The following PRKG1 variants were observed in gnomAD, a reference collection of about 807,000 sequenced individuals.
The protein encoded by PRKG1 is cGMP-dependent protein kinase 1.
Under a neutral mutation model 88.1 loss-of-function variants are expected in PRKG1, and 35 were observed. That is an observed-to-expected ratio of 0.40 (90% CI 0.30 to 0.53). The LOEUF is 0.53. Among genes scored for constraint, PRKG1 ranks in the 20% least tolerant of loss-of-function variants. PRKG1 has a pLI of 0.59. For synonymous variants in PRKG1, 303 were observed against 292.5 expected, an observed-to-expected ratio of 1.04 and a Z score of -0.37; for missense variants, 540 against 839.8, an observed-to-expected ratio of 0.64 and a Z score of 4.41.
intron 3 of PRKG1, among the ~76,000 whole-genome samples, chr10:51,715,546 G>A (rs768311856): frequency 6.6e-6 from 1 of 152,110 alleles, no homozygotes; most frequent in Non-Finnish European, 1.5e-5. Flanking sequence ...AATGTGTCCT[G>A]AAATGTAACT....
At chr10:52,037,607 G>T (rs933265446) in intron 5 of PRKG1, among the ~76,000 whole-genome samples, 5 of 152,066 alleles carry the variant, frequency 3.3e-5, no homozygotes, top group Non-Finnish European at 7.4e-5. Context: ...ATCTGATTTG[G>T]GATAAAGAAA....
At chr10:52,121,766 A>G (rs1366569973) in intron 7 of PRKG1, among the ~76,000 whole-genome samples, 2 of 152,180 alleles carry the variant, frequency 1.3e-5, no homozygotes, top group African/African-American at 4.8e-5. Context: ...CATTTTAATC[A>G]TGACCAATTA....
intron 1 of PRKG1, among the ~76,000 whole-genome samples, chr10:51,025,426 T>C (rs1677251062): frequency 6.6e-6 from 1 of 152,116 alleles, no homozygotes; most frequent in Admixed American, 6.6e-5. Flanking sequence ...CACCCTCTGA[T>C]TGAAGCTGAC....
At chr10:51,614,061 A>G (rs1838981625) in intron 3 of PRKG1, among the ~76,000 whole-genome samples, 1 of 151,784 alleles carries the variant, frequency 6.6e-6, no homozygotes, top group Admixed American at 6.6e-5. Flanking sequence ...TTTTTGTCTA[A>G]ATGATTTGTC....
At chr10:51,389,165 G>A (rs1837331036) in intron 2 of PRKG1, among the ~76,000 whole-genome samples, 1 of 152,142 alleles carries the variant, frequency 6.6e-6, no homozygotes, top group African/African-American at 2.4e-5. Context: ...CTTAAGAAAC[G>A]AGTACAAATC....
intron 3 of PRKG1, among the ~76,000 whole-genome samples, chr10:51,755,130 T>C (rs1002622629): frequency 6.6e-6 from 1 of 152,212 alleles, no homozygotes; most frequent in Non-Finnish European, 1.5e-5. Flanking sequence ...AGTTAACCAA[T>C]TCTGAACTTC....
At position 51,582,935 on chromosome 10, in the gene PRKG1, G is replaced by A. The variant is rs985762106; in HGVS notation, c.592+115099G>A. ...AGCCACCAAATTAAAAGATAAATTG[G>A]AATCACAACTATTATTTTACTACTT... is the stretch of plus-strand genomic sequence containing the variant. On this transcript the variant is annotated intron_variant, in intron 3 of 17. Coordinates refer to ENST00000373980, the MANE Select transcript of PRKG1 (RefSeq NM_006258.4). Among the ~76,000 whole-genome samples the A allele has an allele frequency of 9.9e-5, 15 of 152,190 alleles. No individual in the cohort carries two copies. In the South Asian group the frequency reaches 2.9e-3, roughly 29 times the overall value.
At chr10:51,552,065 A>G (rs967244976) in intron 3 of PRKG1, among the ~76,000 whole-genome samples, 3 of 151,678 alleles carry the variant, frequency 2.0e-5, no homozygotes, top group Non-Finnish European at 4.4e-5. Context: ...AGTACTTAAT[A>G]TCTTGATAGC....
At chr10:51,435,729 C>T (rs1379944711) in intron 2 of PRKG1, among the ~76,000 whole-genome samples, 1 of 151,904 alleles carries the variant, frequency 6.6e-6, no homozygotes, top group Non-Finnish European at 1.5e-5. Flanking sequence ...AAGTTAAACT[C>T]ATGAGCATGA....
intron 3 of PRKG1, among the ~76,000 whole-genome samples, chr10:51,771,879 A>G (rs1330616995): frequency 6.6e-6 from 1 of 152,158 alleles, no homozygotes; most frequent in Non-Finnish European, 1.5e-5. Flanking sequence ...TATACGTATA[A>G]CAGTAATCAT....
chr10:52,221,712 AGAT>A (rs1361326679), intron 9 of PRKG1, among the ~76,000 whole-genome samples: 1 of 152,222 alleles, frequency 6.6e-6, no homozygotes, highest in Non-Finnish European at 1.5e-5. Flanking sequence ...TACACAAACA[AGAT>A]GATAAGTTGA....
intron 7 of PRKG1, among the ~76,000 whole-genome samples, chr10:52,075,909 C>T (rs545295507): frequency 6.6e-6 from 1 of 152,236 alleles, no homozygotes; most frequent in Non-Finnish European, 1.5e-5. Context: ...CTCATCTAAA[C>T]CTAAGGATCT....
At chr10:51,245,161 A>G (rs1466339604) in intron 2 of PRKG1, 1 of 152,108 alleles carries the variant, frequency 6.6e-6, no homozygotes, top group Non-Finnish European at 1.5e-5. Context: ...TAAGGATATA[A>G]GACAGCCCAT....
intron 7 of PRKG1, among the ~76,000 whole-genome samples, chr10:52,117,681 TATA>T (rs1847721578): frequency 6.6e-6 from 1 of 152,088 alleles, no homozygotes. Context: ...GAATATATAA[TATA>T]AAATTTAAAA....
At chr10:51,559,114 CAT>C (rs1056993269) in intron 3 of PRKG1, among the ~76,000 whole-genome samples, 4 of 152,038 alleles carry the variant, frequency 2.6e-5, no homozygotes, top group African/African-American at 7.2e-5. Flanking sequence ...CACAGATATA[CAT>C]ATATATATGG....
chr10:52,116,862 A>G (rs747616347), intron 7 of PRKG1, among the ~76,000 whole-genome samples: 1 of 152,012 alleles, frequency 6.6e-6, no homozygotes, highest in African/African-American at 2.4e-5. Flanking sequence ...GAAAACTGAT[A>G]GGCAGAGAAC....
At chr10:51,631,082 G>C (rs556734166) in intron 3 of PRKG1, among the ~76,000 whole-genome samples, 1 of 152,182 alleles carries the variant, frequency 6.6e-6, no homozygotes, top group East Asian at 1.9e-4. Flanking sequence ...TACAAAAAGG[G>C]CTTGGAGAAT....
chr10:51,132,941 C>T (rs1431126472), intron 1 of PRKG1, among the ~76,000 whole-genome samples: 1 of 151,838 alleles, frequency 6.6e-6, no homozygotes. Context: ...ATTTGTTAAT[C>T]AAAAAATGCA....
At chr10:51,941,411 A>G (rs1456747013) in intron 5 of PRKG1, among the ~76,000 whole-genome samples, 1 of 151,746 alleles carries the variant, frequency 6.6e-6, no homozygotes, top group Admixed American at 6.6e-5. Flanking sequence ...ACATGCTTTT[A>G]TTTATATTTT....
Sources: allele counts gnomAD v4.1 joint callset (sites outside exome capture counted in the v4.1 genomes callset), GRCh38; gene constraint gnomAD v4.1.1; transcripts MANE v1.5; gene names NCBI Gene and HGNC (gene_info 2026-07-23, HGNC 2026-07-21).